ABCC3: variants seen among roughly 807,000 people sequenced by gnomAD.
ABCC3 encodes the protein ATP-binding cassette sub-family C member 3.
In ABCC3, 121 loss-of-function variants were observed where a neutral mutation model predicts 165.3. That is an observed-to-expected ratio of 0.73 (90% CI 0.63 to 0.85). The LOEUF (loss-of-function observed/expected upper bound fraction) is 0.85. Ranked by LOEUF, ABCC3 falls within the 40% of genes least tolerant of loss-of-function variation. ABCC3 has a pLI of 0.00. For missense variants in ABCC3, 1,869 were observed against 1,964.1 expected (o/e 0.95, Z 0.92); for synonymous variants, 733 against 810.1 (o/e 0.90, Z 1.62).
intron 13 of ABCC3, among the ~76,000 whole-genome samples, 179 bp downstream of exon 13, chr17:50,668,188 TCA>T (rs1967567656): frequency 6.6e-6 from 1 of 152,022 alleles, no homozygotes; most frequent in Admixed American, 6.5e-5. Flanking sequence ...TCATTTGGAG[TCA>T]CAGGTGGTCA....
chr17:50,683,405 C>A, intron 26 of ABCC3, among the ~76,000 whole-genome samples: 1 of 145,466 alleles, frequency 6.9e-6, no homozygotes, highest in African/African-American at 2.6e-5. Flanking sequence ...AGGGGAAGGA[C>A]AGGGGAGTGT....
Position 50,676,275 on chromosome 17 carries a change from C to A in ABCC3, c.3068-3C>A. The A allele has an allele frequency of 6.2e-7, 1 of 1,610,236 alleles. No homozygotes were observed. ...AGCCAGCGCCCTCTGCCTTCTCCAA[C>A]AGGGTTCTTGGTGATGCTGGCAGCC... is the stretch of plus-strand genomic sequence containing the variant. On this transcript the variant is annotated splice_region_variant and splice_polypyrimidine_tract_variant and intron_variant, in intron 22 of 30. Coordinates refer to ENST00000285238, the MANE Select transcript of ABCC3 (RefSeq NM_003786.4).
rs755340761 is a variant in ABCC3, at chr17:50,675,506, G to A, written c.2714+30G>A. 7 of 1,602,604 alleles carry A rather than the reference G, an allele frequency of 4.4e-6. No homozygotes were observed. The East Asian group carries it at 6.7e-5, about 15-fold the overall frequency. On this transcript the variant is annotated intron_variant, in intron 20 of 30. Coordinates refer to ENST00000285238, the MANE Select transcript of ABCC3 (RefSeq NM_003786.4). ...GTTCCTGAGAGCTCCCAGCCCTCCC[G>A]GAGGCTGTATCAGGCCTCCCCAGGC...
chr17:50,686,821 G>A (rs541045473), intron 29 of ABCC3, among the ~76,000 whole-genome samples: 1 of 152,312 alleles, frequency 6.6e-6, no homozygotes, highest in South Asian at 2.1e-4. Flanking sequence ...GGGCCAGGGA[G>A]AGAGCCCGGA....
rs768948316 is a variant in ABCC3 at position 50,675,866 on chromosome 17, A to G, written c.2860-17A>G. 5.0e-6 allele frequency: 8 copies of G among 1,613,718 alleles called. No homozygotes were observed. In the South Asian group the frequency reaches 5.5e-5, roughly 11 times the overall value. On this transcript the variant is annotated splice_polypyrimidine_tract_variant and intron_variant, in intron 21 of 30. Transcript: ENST00000285238. ...ATGGAGTCCCCTGTCCCTGACTGCC[A>G]TGGCTGCTCCCTACAGGTGGAGCTC...
intron 4 of ABCC3, among the ~76,000 whole-genome samples, chr17:50,657,676 G>A (rs1226062084): frequency 1.3e-5 from 2 of 152,108 alleles, no homozygotes; most frequent in African/African-American, 4.8e-5. Flanking sequence ...CCATCTCAGC[G>A]GGAAGCAGGC....
At chr17:50,668,624 G>A in intron 14 of ABCC3, 107 bp downstream of exon 14, 1 of 945,690 alleles carries the variant, frequency 1.1e-6, no homozygotes, top group Non-Finnish European at 1.6e-6. Flanking sequence ...TTCTTCCTCT[G>A]TTCACATCTG....
chr17:50,673,581 G>T lies in ABCC3; in HGVS notation c.2522G>T (p.Arg841Leu), dbSNP rs770775971. 6 of 1,614,176 alleles carry T rather than the reference G, an allele frequency of 3.7e-6. No homozygotes were observed. The highest frequency in any genetic ancestry group is 1.3e-5 in the African/African-American group (1 of 75,032). ...GGCCCGTACCCAGCCCTGCTGCAGC[G>T]CAACGGCTCCTTTGCCAACTTTCTC... ...EMGPYPALLQRNGSFANFLCN... is the reference protein window; with the variant it reads ...EMGPYPALLQLNGSFANFLCN... The change falls in exon 19 of 31, where the codon CGC becomes CTC. Residue 841 changes from arginine (R) to leucine (L), a missense_variant. Coordinates refer to ENST00000285238, the MANE Select transcript of ABCC3 (RefSeq NM_003786.4).
At chr17:50,659,460 C>T in intron 7 of ABCC3, 92 bp downstream of exon 7, 1 of 1,453,842 alleles carries the variant, frequency 6.9e-7, no homozygotes, top group East Asian at 2.3e-5. Context: ...GGCGGCATTG[C>T]TGGGGTGGCA....
rs763594560 is a variant in ABCC3 at position 50,657,099 on chromosome 17, G to A, written c.402G>A (p.Ser134=). 1.3e-5 allele frequency: 21 copies of A among 1,614,034 alleles called. No individual in the cohort carries two copies. Among genetic ancestry groups the A allele is most frequent in the East Asian group, 4.5e-5 (2 of 44,894 alleles). The change falls in exon 4 of 31, where the codon TCG becomes TCA. Residue 134 remains serine (S), a synonymous_variant. Transcript: ENST00000285238. The part of the protein sequence containing the change: ...QYERLQGVQS[S]GVLIIFWFLC... ...AGCGGCTGCAGGGCGTACAGTCTTCGGGGGTCCTCATTATCTTCTGGTTCC... is the reference window on the plus strand; with the variant it reads ...AGCGGCTGCAGGGCGTACAGTCTTCAGGGGTCCTCATTATCTTCTGGTTCC...
intron 1 of ABCC3, chr17:50,643,477 A>AG: frequency 6.6e-6 from 3 of 452,074 alleles, no homozygotes; most frequent in South Asian, 4.7e-5. Context: ...AAATGCCCCC[A>AG]GGCAGCATGT....
chr17:50,668,488 A>G lies in ABCC3; in HGVS notation c.1841A>G (p.Gln614Arg), dbSNP rs533472614. The change falls in exon 14 of 31, where the codon CAG becomes CGG. Residue 614 changes from glutamine to arginine, a missense_variant. Transcript: ENST00000285238. ...QFLSQEELDP[Q>R]SVERKTISPG... The stretch of plus-strand genomic sequence containing the variant: ...CTGAGCCAAGAGGAACTTGACCCCC[A>G]GAGTGTGGAAAGAAAGACCATCTCC... 32 of 1,614,002 alleles carry G rather than the reference A, an allele frequency of 2.0e-5. No homozygotes were observed. The South Asian group carries it at 3.3e-4, about 17-fold the overall frequency.
rs1197886349 is a variant in ABCC3 at position 50,659,312 on chromosome 17, G to T, written c.750G>T (p.Gln250His). The change falls in exon 7 of 31, where the codon CAG becomes CAT. Residue 250 changes from glutamine to histidine, a missense_variant. Gln to His is a conservative substitution (Grantham distance 24, BLOSUM62 0). Transcript: ENST00000285238. ...LWSLKEEDRS[Q>H]MVVQQLLEAW... The stretch of plus-strand genomic sequence containing the variant: ...CCCTAAAGGAAGAGGACAGATCCCA[G>T]ATGGTGGTGCAGCAGCTGCTGGAGG... The T allele has an allele frequency of 2.5e-6, 4 of 1,613,704 alleles. No homozygotes were observed. Among genetic ancestry groups the T allele is most frequent in the Non-Finnish European group, 3.4e-6 (4 of 1,179,638 alleles).
chr17:50,685,002 C>T (rs865963404), intron 29 of ABCC3, 127 bp downstream of exon 29: 6 of 1,055,596 alleles, frequency 5.7e-6, no homozygotes, highest in African/African-American at 1.6e-5. Flanking sequence ...GCTGTCCTTT[C>T]GTATTGAGCA....
intron 19 of ABCC3, among the ~76,000 whole-genome samples, chr17:50,673,970 T>C (rs1189999937): frequency 6.1e-4 from 9 of 14,708 alleles, no homozygotes; most frequent in Admixed American, 1.1e-3. Context: ...CTTTCTTTCT[T>C]TCTTTCTTTC....
rs774789935 is a variant in ABCC3 at position 50,675,918 on chromosome 17, C to T, written c.2895C>T (p.Ala965=). ...ELSVFWDYAK[A]VGLCTTLAIC... ...GTGTGTTCTGGGATTATGCCAAGGC[C>T]GTGGGGCTCTGTACCACGCTGGCCA... Residue 965 remains alanine, a synonymous_variant, in exon 22 of 31, where the codon GCC becomes GCT. Transcript: ENST00000285238. 93 of 1,614,138 alleles carry T rather than the reference C, an allele frequency of 5.8e-5. No homozygotes were observed. The highest frequency in any genetic ancestry group is 7.6e-5 in the Non-Finnish European group (90 of 1,180,034).
rs1199648966 is a variant in ABCC3, at chr17:50,673,557, G to T, written c.2498G>T (p.Gly833Val). 6.2e-7 allele frequency: 1 copy of T among 1,614,160 alleles called. No individual in the cohort carries two copies. Among genetic ancestry groups the T allele is most frequent in the African/African-American group, 1.3e-5 (1 of 75,028 alleles). ...GCTGATGGACAGGTGTCTGAGATGG[G>T]CCCGTACCCAGCCCTGCTGCAGCGC... ...VLADGQVSEM[G>V]PYPALLQRNG... Residue 833 changes from glycine (G) to valine (V), a missense_variant, in exon 19 of 31, where the codon GGC becomes GTC. Physicochemically the swap from Gly to Val is moderately radical, Grantham distance 109. Transcript: ENST00000285238.
rs1200971144 is a variant in ABCC3, at chr17:50,692,104, C to T, written c.*904C>T. The T allele has an allele frequency of 6.6e-6, 1 of 152,248 alleles. No homozygotes were observed. The highest frequency in any genetic ancestry group is 1.5e-5 in the Non-Finnish European group (1 of 68,076). The allele number at this position is 152,248 out of a possible 1,614,324, so 9.4% of individuals were successfully genotyped here. ...CCTATAACCAGTGAGGCCTCCAAGTCATTCATTTTCCTCAGTCTAGCCAAA... is the reference window on the plus strand; with the variant it reads ...CCTATAACCAGTGAGGCCTCCAAGTTATTCATTTTCCTCAGTCTAGCCAAA... On this transcript the variant is annotated 3_prime_UTR_variant, in exon 31 of 31. Coordinates refer to ENST00000285238, the MANE Select transcript of ABCC3 (RefSeq NM_003786.4).
At chr17:50,686,701 G>A (rs1968028447) in intron 29 of ABCC3, among the ~76,000 whole-genome samples, 2 of 152,132 alleles carry the variant, frequency 1.3e-5, no homozygotes, top group Admixed American at 6.6e-5. Context: ...CACTGAGCTT[G>A]TAGCCACTTT....
Sources: allele counts gnomAD v4.1 joint callset (sites outside exome capture counted in the v4.1 genomes callset), GRCh38; gene constraint gnomAD v4.1.1; transcripts MANE v1.5; gene names NCBI Gene and HGNC (gene_info 2026-07-23, HGNC 2026-07-21).